Variants in AKAP13 observed in about 807,000 individuals in gnomAD.
AKAP13 encodes A-kinase anchoring protein 13.
Under a neutral mutation model 264.5 loss-of-function variants are expected in AKAP13, and 80 were observed. The ratio of observed to expected loss-of-function variants is 0.30; its 90% CI spans 0.25 to 0.36. AKAP13 has a LOEUF of 0.36. AKAP13 is among the 10% of genes least tolerant of loss of function. AKAP13 has a pLI of 1.00. For missense variants in AKAP13, 3,712 were observed against 3,435.2 expected (o/e 1.08, Z -2.01); for synonymous variants, 1,380 against 1,250.2 (o/e 1.10, Z -2.19).
chr15:85,740,457 T>G (rs897565901), intron 34 of AKAP13, 185 bp downstream of exon 34: 1 of 608,710 alleles, frequency 1.6e-6, no homozygotes, highest in Admixed American at 3.0e-5. Context: ...GGACTAGAAT[T>G]AGTGAAGAGC....
At chr15:85,408,785 A>G (rs1459547142) in intron 1 of AKAP13, among the ~76,000 whole-genome samples, 3 of 151,844 alleles carry the variant, frequency 2.0e-5, no homozygotes, top group African/African-American at 7.3e-5. Flanking sequence ...TGCTTTGACC[A>G]TGGGTGTACA....
intron 16 of AKAP13, among the ~76,000 whole-genome samples, chr15:85,687,181 A>C (rs2151621767): frequency 6.6e-6 from 1 of 152,212 alleles, no homozygotes; most frequent in Non-Finnish European, 1.5e-5. Flanking sequence ...CTTATTTTAC[A>C]AACTGAGGCA....
At chr15:85,440,137 C>G (rs1287754918) in intron 1 of AKAP13, among the ~76,000 whole-genome samples, 1 of 152,126 alleles carries the variant, frequency 6.6e-6, no homozygotes, top group Admixed American at 6.5e-5. Context: ...TTTAGCTGAA[C>G]CAGTTTGTTC....
At position 85,745,233 on chromosome 15, in the gene AKAP13, A is replaced by G. The variant is rs2089334469; in HGVS notation, c.*556A>G. On this transcript the variant is annotated 3_prime_UTR_variant, in exon 37 of 37. Transcript: ENST00000394518. ...GCCCCCGCATATCAGCAGTTCACCC[A>G]GTACTCCTCAGAGACTGGTTTCCCT... 1 of 152,676 alleles carries G rather than the reference A, an allele frequency of 6.5e-6. No individual in the cohort carries two copies. The highest frequency in any genetic ancestry group is 1.5e-5 in the Non-Finnish European group (1 of 68,362). The allele number at this position is 152,676 out of a possible 1,614,324, so 9.5% of individuals were successfully genotyped here. A position where few individuals can be genotyped will look rare whatever the true frequency, so the allele number is the denominator to read the frequency against.
intron 8 of AKAP13, among the ~76,000 whole-genome samples, chr15:85,637,563 C>G (rs761097660): frequency 6.6e-6 from 1 of 151,954 alleles, no homozygotes; most frequent in Admixed American, 6.6e-5. Flanking sequence ...ATATTATTGA[C>G]CCTTTTAAGG....
intron 1 of AKAP13, among the ~76,000 whole-genome samples, chr15:85,481,891 A>C (rs1761634711): frequency 6.6e-6 from 1 of 152,232 alleles, no homozygotes; most frequent in African/African-American, 2.4e-5. Context: ...TTTCTCTCTT[A>C]AAATTCCTTG....
At chr15:85,734,761 A>G (rs1041832858) in intron 30 of AKAP13, among the ~76,000 whole-genome samples, 8 of 152,160 alleles carry the variant, frequency 5.3e-5, no homozygotes, top group African/African-American at 1.9e-4. Flanking sequence ...TACACTTTCA[A>G]ATTTCCTAGG....
At chr15:85,706,161 A>T (rs967534052) in intron 17 of AKAP13, among the ~76,000 whole-genome samples, 9 of 152,100 alleles carry the variant, frequency 5.9e-5, no homozygotes, top group Non-Finnish European at 1.3e-4. Context: ...TGGGCTTTCA[A>T]GTCTGTGCAT....
chr15:85,629,835 A>G (rs558803820), intron 8 of AKAP13, among the ~76,000 whole-genome samples: 44 of 117,758 alleles, frequency 3.7e-4, no homozygotes, highest in African/African-American at 1.3e-3. Flanking sequence ...GCTGGAGTGC[A>G]GCAGTGCTGT....
At chr15:85,670,296 A>G (rs2083851991) in intron 14 of AKAP13, among the ~76,000 whole-genome samples, 1 of 152,006 alleles carries the variant, frequency 6.6e-6, no homozygotes, top group South Asian at 2.1e-4. Flanking sequence ...AGTTATATCC[A>G]TAACTCTCCT....
At chr15:85,611,825 G>A (rs1260479806) in intron 8 of AKAP13, among the ~76,000 whole-genome samples, 1 of 152,006 alleles carries the variant, frequency 6.6e-6, no homozygotes, top group Non-Finnish European at 1.5e-5. Context: ...TCTTCTGCCT[G>A]AACGTAGACA....
chr15:85,731,081 T>C (rs1280019699), intron 30 of AKAP13, among the ~76,000 whole-genome samples: 2 of 136,672 alleles, frequency 1.5e-5, no homozygotes, highest in Non-Finnish European at 3.0e-5. Context: ...CTCGGCTCAC[T>C]GCAACCTCCC....
chr15:85,639,059 A>G (rs1040920870), intron 8 of AKAP13, among the ~76,000 whole-genome samples: 3 of 152,234 alleles, frequency 2.0e-5, no homozygotes, highest in Non-Finnish European at 2.9e-5. Flanking sequence ...CCAAATATGT[A>G]TTTTAATATT....
intron 14 of AKAP13, among the ~76,000 whole-genome samples, chr15:85,674,413 C>T (rs34734963): frequency 0.19 from 28,368 of 152,162 alleles, 3,512 homozygotes; most frequent in Middle Eastern, 0.41. Flanking sequence ...CCCAAGATGT[C>T]TCATCATATA....
intron 1 of AKAP13, among the ~76,000 whole-genome samples, chr15:85,395,945 A>C (rs2150819681): frequency 1.3e-5 from 2 of 152,184 alleles, no homozygotes; most frequent in South Asian, 4.2e-4. Flanking sequence ...CCCCAGCAAC[A>C]ATGGCACATA....
At chr15:85,520,634 GAA>G (rs1412875987) in intron 2 of AKAP13, 1 of 518,674 alleles carries the variant, frequency 1.9e-6, no homozygotes, top group Non-Finnish European at 3.8e-6. Context: ...GGTGGATAAA[GAA>G]GAGTAGGAAT....
chr15:85,628,342 A>G (rs967590734), intron 8 of AKAP13, among the ~76,000 whole-genome samples: 8 of 151,836 alleles, frequency 5.3e-5, no homozygotes, highest in Admixed American at 3.3e-4. Flanking sequence ...GCTGCTGGCT[A>G]GTTGTGTGGA....
At chr15:85,593,363 A>G (rs1431355148) in intron 8 of AKAP13, among the ~76,000 whole-genome samples, 1 of 152,000 alleles carries the variant, frequency 6.6e-6, no homozygotes, top group South Asian at 2.1e-4. Flanking sequence ...AAAACTGAGG[A>G]TATCTTACAT....
intron 1 of AKAP13, among the ~76,000 whole-genome samples, chr15:85,466,001 C>G (rs1428260194): frequency 1.3e-5 from 2 of 151,954 alleles, no homozygotes; most frequent in East Asian, 3.9e-4. Flanking sequence ...TCTCCACATC[C>G]TCTCCAGCAC....
Sources: gnomAD v4.1 joint callset for allele counts (sites outside exome capture counted in the v4.1 genomes callset) on GRCh38, gnomAD v4.1.1 for gene constraint, MANE v1.5 for transcripts, NCBI Gene and HGNC (gene_info 2026-07-23, HGNC 2026-07-21) for gene names.